The following PER1 variants were observed in gnomAD, a reference collection of about 807,000 sequenced individuals.
The protein encoded by PER1 is period circadian protein homolog 1.
In PER1, 87 loss-of-function variants were observed where a neutral mutation model predicts 125.9. The ratio of observed to expected loss-of-function variants is 0.69; its 90% CI spans 0.58 to 0.83. The LOEUF is 0.83. PER1 is among the 40% of genes least tolerant of loss of function. The probability of loss-of-function intolerance (pLI) is 0.00; values close to 1 mark genes in which losing one functional copy is unlikely to be tolerated. For missense variants in PER1, 1,775 were observed against 1,722.8 expected (o/e 1.03, Z -0.54); for synonymous variants, 801 against 714.7 (o/e 1.12, Z -1.93).
rs763072183 is a variant in PER1 at position 8,149,703 on chromosome 17, TG to T, written c.652-41del. 5.0e-6 allele frequency: 8 copies of T among 1,611,396 alleles called. No homozygotes were observed. In the South Asian group the frequency reaches 8.8e-5, roughly 18 times the overall value. On this transcript the variant is annotated intron_variant, in intron 5 of 22. Transcript: ENST00000317276. Reference sequence around the variant, plus strand: ...AGAGCAAGAGCAGATTCAAGAGCTGTGGGAGAAGGAGTAGGGGTGCGTCGGG... The same window carrying T: ...AGAGCAAGAGCAGATTCAAGAGCTGTGGAGAAGGAGTAGGGGTGCGTCGGG...
rs953463636 is a variant in PER1, at chr17:8,150,109, G to A, written c.391C>T (p.Arg131Trp). ...ATGAGTTCCTTCTGAGTCCTTGCCC[G>A]GGCTGACTGTTCACTGCTGCGGGGC... ...TSGCSSEQSARARTQKELMTA... is the reference protein window; with the variant it reads ...TSGCSSEQSAWARTQKELMTA... The change falls in exon 4 of 23, where the codon CGG (arginine) becomes TGG (tryptophan). Residue 131 changes from arginine (R) to tryptophan (W), a missense_variant. By Grantham distance (101) the Arg-to-Trp change is moderately radical. Coordinates refer to ENST00000317276, the MANE Select transcript of PER1 (RefSeq NM_002616.3). The A allele has an allele frequency of 9.9e-6, 16 of 1,613,958 alleles. No individual in the cohort carries two copies. Among genetic ancestry groups the A allele is most frequent in the South Asian group, 4.4e-5 (4 of 91,084 alleles).
At position 8,150,484 on chromosome 17, in the gene PER1, A is replaced by C; in HGVS notation, c.223T>G (p.Ser75Ala). 1 of 1,614,090 alleles carries C rather than the reference A, an allele frequency of 6.2e-7. No individual in the cohort carries two copies. Among genetic ancestry groups the C allele is most frequent in the East Asian group, 2.2e-5 (1 of 44,888 alleles). ...AGGGCTGAGTCCTTGCCGTTGCCTG[A>C]GGAGGAGCTGTGTGAGCTCCGCTGA... is the stretch of plus-strand genomic sequence containing the variant. The part of the protein sequence containing the change: ...ASQRSSHSSS[S>A]GNGKDSALLE... The change falls in exon 2 of 23, where the codon TCA becomes GCA. Residue 75 changes from serine (S) to alanine (A), a missense_variant. Physicochemically the swap from Ser to Ala is moderately conservative, Grantham distance 99. Coordinates refer to ENST00000317276, the MANE Select transcript of PER1 (RefSeq NM_002616.3).
rs1251259089 is a variant in PER1 at position 8,144,846 on chromosome 17, T to C, written c.2366A>G (p.Lys789Arg). The C allele has an allele frequency of 6.3e-7, 1 of 1,586,986 alleles. No individual in the cohort carries two copies. Among genetic ancestry groups the C allele is most frequent in the Non-Finnish European group, 8.6e-7 (1 of 1,165,112 alleles). ...TKAVLSLHTQ[K>R]EEQAFLSRFR... ...GCGGCTGAGGAAGGCTTGCTCTTCC[T>C]TCTGTGTGTGCAGGGACAGCACGGC... The change falls in exon 18 of 23, where the codon AAG (lysine) becomes AGG (arginine). Residue 789 changes from lysine to arginine, a missense_variant. Transcript: ENST00000317276.
intron 18 of PER1, 116 bp downstream of exon 18, chr17:8,144,635 G>T: frequency 7.2e-7 from 1 of 1,390,820 alleles, no homozygotes; most frequent in Non-Finnish European, 9.8e-7. Context: ...GCCTAGTGGT[G>T]GAAGCAACAC....
chr17:8,143,445 G>A lies in PER1; in HGVS notation c.2893C>T (p.Pro965Ser), dbSNP rs748888523. 3.7e-6 allele frequency: 6 copies of A among 1,609,676 alleles called. No individual in the cohort carries two copies. Among genetic ancestry groups the A allele is most frequent in the Non-Finnish European group, 5.1e-6 (6 of 1,177,682 alleles). The change falls in exon 19 of 23, where the codon CCT becomes TCT. Residue 965 changes from proline to serine, a missense_variant. Coordinates refer to ENST00000317276, the MANE Select transcript of PER1 (RefSeq NM_002616.3). The stretch of plus-strand genomic sequence containing the variant: ...AGTGGAGAGTCCGGGCGGTGAGGAG[G>A]ACTCGGGGCGAGGGCGGGCAAGGAT... ...SPSLPALAPS[P>S]PHRPDSPLFN...
In PER1 at chr17:8,146,443, G is replaced by A. The variant is rs1251186805; in HGVS notation, c.1967C>T (p.Ser656Phe). ...TTKRKCASSS[S>F]YTTSSASDDD... Reference sequence around the variant, plus strand: ...GTCAGAGGCTGAGGAGGTGGTATAGGAGGAGGAGGAGGCACATTTACGCTT... The same window carrying A: ...GTCAGAGGCTGAGGAGGTGGTATAGAAGGAGGAGGAGGCACATTTACGCTT... The change falls in exon 16 of 23, where the codon TCC (serine) becomes TTC (phenylalanine). Residue 656 changes from serine (S) to phenylalanine (F), a missense_variant. Transcript: ENST00000317276. The A allele has an allele frequency of 6.2e-6, 10 of 1,611,020 alleles. No individual in the cohort carries two copies. The highest frequency in any genetic ancestry group is 4.5e-5 in the East Asian group (2 of 44,836).
At position 8,150,129 on chromosome 17, in the gene PER1, C is replaced by T. The variant is rs752932781; in HGVS notation, c.375-4G>A. The T allele has an allele frequency of 8.7e-6, 14 of 1,613,572 alleles. No individual in the cohort carries two copies. In the South Asian group the frequency reaches 9.9e-5, roughly 11 times the overall value. On this transcript the variant is annotated splice_region_variant and splice_polypyrimidine_tract_variant and intron_variant, in intron 3 of 22. Transcript: ENST00000317276. ...TGCCCGGGCTGACTGTTCACTGCTG[C>T]GGGGCCCACAGGGAAGAAAGAGATA...
At position 8,146,743 on chromosome 17, in the gene PER1, CT is replaced by C; in HGVS notation, c.1757del (p.Lys586ArgfsTer23). ...GGTCTGGGGATTGGCAGGGAAGGGC[CT>C]TGGCCTTGAACGTGCCTGTAGCTGG... ...RLPATGTFKA[K>X]ALPCQSPDPE... is the part of the protein sequence containing the mutation. On this transcript the variant is annotated frameshift_variant, in exon 15 of 23. Transcript: ENST00000317276. LOFTEE classifies it high-confidence loss of function. 6.2e-7 allele frequency: 1 copy of C among 1,613,524 alleles called. No homozygotes were observed. The highest frequency in any genetic ancestry group is 8.5e-7 in the Non-Finnish European group (1 of 1,179,794).
At chr17:8,143,119 C>G (rs1982184962) in intron 19 of PER1, 147 bp downstream of exon 19, 2 of 645,974 alleles carry the variant, frequency 3.1e-6, no homozygotes, top group Middle Eastern at 4.3e-4. Context: ...TAGCCAATTT[C>G]TGCCTCATTC....
intron 17 of PER1, 150 bp downstream of exon 17, chr17:8,145,808 G>A (rs1293222657): frequency 3.7e-6 from 3 of 810,844 alleles, no homozygotes; most frequent in Non-Finnish European, 5.8e-6. Flanking sequence ...TGGCAGGGAG[G>A]GGAGAGCAAG....
Position 8,149,471 on chromosome 17 carries a change from C to A in PER1, c.844G>T (p.Ala282Ser), listed in dbSNP as rs772525244. 3 of 1,613,098 alleles carry A rather than the reference C, an allele frequency of 1.9e-6. No individual in the cohort carries two copies. Among genetic ancestry groups the A allele is most frequent in the Non-Finnish European group, 2.5e-6 (3 of 1,179,322 alleles). ...PSRLPTWGTG[A>S]SAGSGLRDFT... is the part of the protein sequence containing the mutation. Reference sequence around the variant, plus strand: ...CGCTTGGGCACCTCACCTGCTGAGGCCCCTGTGCCCCAGGTGGGCAGGCGA... The same window carrying A: ...CGCTTGGGCACCTCACCTGCTGAGGACCCTGTGCCCCAGGTGGGCAGGCGA... The change falls in exon 6 of 23, where the codon GCC becomes TCC. Residue 282 changes from alanine to serine, a missense_variant. By Grantham distance (99) the Ala-to-Ser change is moderately conservative. Coordinates refer to ENST00000317276, the MANE Select transcript of PER1 (RefSeq NM_002616.3).
intron 8 of PER1, among the ~76,000 whole-genome samples, 186 bp from the exon 9 acceptor site, chr17:8,148,445 G>C (rs749104927): frequency 6.6e-6 from 1 of 152,164 alleles, no homozygotes; most frequent in Non-Finnish European, 1.5e-5. Flanking sequence ...AGCAAGCAAG[G>C]CATTCTTCTC....
Position 8,140,834 on chromosome 17 carries a change from A to C in PER1, c.*234T>G, listed in dbSNP as rs1041837500. ...CCAGGGGAGGGAAGGATTCCTCTCC[A>C]AAGGTGGGAGGTGACACTCCTCTGG... On this transcript the variant is annotated 3_prime_UTR_variant, in exon 23 of 23. Transcript: ENST00000317276. The C allele has an allele frequency of 2.4e-5, 12 of 494,710 alleles. No individual in the cohort carries two copies. Among genetic ancestry groups the C allele is most frequent in the Non-Finnish European group, 4.0e-5 (11 of 275,446 alleles). 30.6% of individuals were successfully genotyped at this position (494,710 alleles called of 1,614,324 possible).
At chr17:8,143,967 G>A in intron 18 of PER1, 91 bp from the exon 19 acceptor site, 6 of 1,501,258 alleles carry the variant, frequency 4.0e-6, no homozygotes, top group Non-Finnish European at 4.4e-6. Context: ...CCAGGGAGAG[G>A]ACAGGCCAAG....
chr17:8,144,691 C>T (rs574636159), intron 18 of PER1, 60 bp downstream of exon 18: 14 of 1,536,978 alleles, frequency 9.1e-6, no homozygotes, highest in Non-Finnish European at 1.2e-5. Context: ...AGACCCACCC[C>T]CCAACAATCC....
rs781733647 is a variant in PER1 at position 8,144,785 on chromosome 17, G to A, written c.2427C>T (p.Ser809=). 3.4e-5 allele frequency: 53 copies of A among 1,582,052 alleles called. No individual in the cohort carries two copies. Among genetic ancestry groups the A allele is most frequent in the Admixed American group, 1.1e-4 (6 of 56,058 alleles). The change falls in exon 18 of 23, where the codon AGC becomes AGT. Residue 809 remains serine, a synonymous_variant. Transcript: ENST00000317276. ...RDLGRLRGLD[S]SSTAPSALGE... ...CAAGGGCTGAGGGAGCTGTGGAAGAGCTGTCGAGTCCACGCAGCCTGCCCA... is the reference window on the plus strand; with the variant it reads ...CAAGGGCTGAGGGAGCTGTGGAAGAACTGTCGAGTCCACGCAGCCTGCCCA...
In PER1 at chr17:8,149,279, C is replaced by A; in HGVS notation, c.885G>T (p.Lys295Asn). The change falls in exon 7 of 23, where the codon AAG becomes AAT. Residue 295 changes from lysine to asparagine, a missense_variant. Coordinates refer to ENST00000317276, the MANE Select transcript of PER1 (RefSeq NM_002616.3). ...CCTACCTGATACGGCAGAAGACGGA[C>A]TTCTCCTGGGTAAAGTCCCTGAGGC... ...GSGLRDFTQE[K>N]SVFCRIRGGP... 1 of 1,613,918 alleles carries A rather than the reference C, an allele frequency of 6.2e-7. No individual in the cohort carries two copies. Among genetic ancestry groups the A allele is most frequent in the South Asian group, 1.1e-5 (1 of 91,076 alleles).
chr17:8,149,893 G>A lies in PER1; in HGVS notation c.530-17C>T, dbSNP rs762435859. On this transcript the variant is annotated splice_polypyrimidine_tract_variant and intron_variant, in intron 4 of 22. Transcript: ENST00000317276. ...CCTGGTTGGCTGCAGAGTGGAGGCA[G>A]TGAGGCATTCAGTAAGGAGGCTGCC... 5 of 1,614,148 alleles carry A rather than the reference G, an allele frequency of 3.1e-6. No individual in the cohort carries two copies. In the South Asian group the frequency reaches 5.5e-5, roughly 18 times the overall value.
intron 1 of PER1, among the ~76,000 whole-genome samples, 187 bp downstream of exon 1, chr17:8,152,150 G>C (rs1313909985): frequency 6.6e-6 from 1 of 152,236 alleles, no homozygotes; most frequent in Non-Finnish European, 1.5e-5. Context: ...GAGTGGGTCA[G>C]GAGTGCAGAC....
Sources: allele counts gnomAD v4.1 joint callset (sites outside exome capture counted in the v4.1 genomes callset), GRCh38; gene constraint gnomAD v4.1.1; transcripts MANE v1.5; gene names NCBI Gene and HGNC (gene_info 2026-07-23, HGNC 2026-07-21).